Variants in GRIA4 observed in about 807,000 individuals in gnomAD.
GRIA4 encodes the protein glutamate ionotropic receptor AMPA type subunit 4, also known as glutamate receptor 4.
GRIA4 carries 34 observed loss-of-function variants against 104.0 expected under a neutral mutation model. The ratio of observed to expected loss-of-function variants is 0.33; its 90% CI spans 0.25 to 0.44. The LOEUF is 0.44. GRIA4 is among the 20% of genes least tolerant of loss of function. GRIA4 has a pLI of 1.00. For synonymous variants in GRIA4, 386 were observed against 381.9 expected, an observed-to-expected ratio of 1.01 and a Z score of -0.13; for missense variants, 750 against 1,096.5, an observed-to-expected ratio of 0.68 and a Z score of 4.46.
chr11:105,790,832 G>A (rs543703665), intron 4 of GRIA4, among the ~76,000 whole-genome samples: 2 of 152,216 alleles, frequency 1.3e-5, no homozygotes, highest in Non-Finnish European at 2.9e-5. Flanking sequence ...TTAAAATAAT[G>A]GATCATTATA....
chr11:105,612,002 CAG>C (rs1392986019), intron 2 of GRIA4, among the ~76,000 whole-genome samples: 1 of 152,178 alleles, frequency 6.6e-6, no homozygotes, highest in Admixed American at 6.5e-5. Flanking sequence ...TGCTGGGAAT[CAG>C]GGGGAGGGCA....
At chr11:105,655,668 C>A (rs1364271184) in intron 3 of GRIA4, among the ~76,000 whole-genome samples, 3 of 152,004 alleles carry the variant, frequency 2.0e-5, no homozygotes, top group Non-Finnish European at 4.4e-5. Context: ...GGAACTCATC[C>A]TTTTTATGGC....
intron 14 of GRIA4, among the ~76,000 whole-genome samples, chr11:105,964,605 A>G (rs754934372): frequency 6.6e-6 from 1 of 152,168 alleles, no homozygotes; most frequent in Non-Finnish European, 1.5e-5. Flanking sequence ...CAGTGTTTAT[A>G]AAATAGCATA....
intron 5 of GRIA4, among the ~76,000 whole-genome samples, chr11:105,867,116 C>T (rs1488039251): frequency 6.6e-6 from 1 of 152,046 alleles, no homozygotes; most frequent in East Asian, 1.9e-4. Flanking sequence ...TCTCGGATTA[C>T]TGACAAAACC....
At chr11:105,873,417 T>C (rs1313730838) in intron 5 of GRIA4, among the ~76,000 whole-genome samples, 1 of 152,218 alleles carries the variant, frequency 6.6e-6, no homozygotes, top group Non-Finnish European at 1.5e-5. Context: ...GAATGATTTA[T>C]AATCCTTTGG....
At chr11:105,756,654 G>A (rs2049234080) in intron 4 of GRIA4, among the ~76,000 whole-genome samples, 2 of 149,216 alleles carry the variant, frequency 1.3e-5, no homozygotes, top group South Asian at 2.1e-4. Flanking sequence ...CCTAACCAAC[G>A]CCCCCCACCC....
intron 6 of GRIA4, among the ~76,000 whole-genome samples, chr11:105,890,921 G>A (rs1206829065): frequency 2.6e-5 from 4 of 152,156 alleles, no homozygotes; most frequent in African/African-American, 7.2e-5. Context: ...TTGTATGTAG[G>A]TGCATGTATG....
chr11:105,777,613 A>G (rs574660209), intron 4 of GRIA4, among the ~76,000 whole-genome samples: 9 of 152,192 alleles, frequency 5.9e-5, no homozygotes, highest in South Asian at 2.1e-4. Context: ...TTCAAACAAT[A>G]TATCTTTTCT....
At chr11:105,953,630 TACACAC>T (rs10538700) in intron 14 of GRIA4, among the ~76,000 whole-genome samples, 1 of 151,494 alleles carries the variant, frequency 6.6e-6, no homozygotes, top group Non-Finnish European at 1.5e-5. Context: ...TGTATACACA[TACACAC>T]ACACACACAC....
intron 3 of GRIA4, among the ~76,000 whole-genome samples, chr11:105,620,921 A>G (rs1423632988): frequency 6.6e-6 from 1 of 151,586 alleles, no homozygotes; most frequent in East Asian, 1.9e-4. Context: ...GGGGGGTCAT[A>G]TTTTTGGATT....
intron 15 of GRIA4, among the ~76,000 whole-genome samples, chr11:105,972,809 G>A (rs1355080502): frequency 6.6e-6 from 1 of 152,124 alleles, no homozygotes. Context: ...ATAGAATATA[G>A]TAACAGCACC....
chr11:105,964,798 T>G (rs1591493209), intron 14 of GRIA4, among the ~76,000 whole-genome samples: 2 of 149,588 alleles, frequency 1.3e-5, no homozygotes, highest in South Asian at 2.1e-4. Context: ...TTTTTTGTTT[T>G]TTTTTTGTTT....
At chr11:105,711,079 T>C (rs2135548508) in intron 3 of GRIA4, among the ~76,000 whole-genome samples, 1 of 152,244 alleles carries the variant, frequency 6.6e-6, no homozygotes, top group South Asian at 2.1e-4. Flanking sequence ...ATCATAAAAG[T>C]ATACAATAAT....
intron 4 of GRIA4, among the ~76,000 whole-genome samples, chr11:105,838,979 A>G (rs1944290182): frequency 6.6e-6 from 1 of 152,048 alleles, no homozygotes; most frequent in Non-Finnish European, 1.5e-5. Context: ...GGATCTTGCC[A>G]CCCACTCTAT....
intron 3 of GRIA4, among the ~76,000 whole-genome samples, chr11:105,667,636 T>G (rs948117641): frequency 9.9e-5 from 15 of 152,134 alleles, no homozygotes; most frequent in African/African-American, 3.4e-4. Flanking sequence ...TTTACATTGA[T>G]CAGCAATTTG....
At chr11:105,757,625 C>T (rs1486790134) in intron 4 of GRIA4, among the ~76,000 whole-genome samples, 3 of 152,114 alleles carry the variant, frequency 2.0e-5, no homozygotes, top group Non-Finnish European at 2.9e-5. Context: ...TGCAGACCTC[C>T]GTGAATATCT....
intron 14 of GRIA4, among the ~76,000 whole-genome samples, chr11:105,956,499 G>C (rs887849007): frequency 6.6e-6 from 1 of 152,152 alleles, no homozygotes; most frequent in African/African-American, 2.4e-5. Flanking sequence ...TCTTAATCCA[G>C]TCTATCATTG....
chr11:105,735,449 T>G (rs910980411), intron 3 of GRIA4, among the ~76,000 whole-genome samples: 24 of 152,248 alleles, frequency 1.6e-4, no homozygotes, highest in African/African-American at 5.8e-4. Context: ...ACTCTCTGGG[T>G]GCAACAATTT....
chr11:105,661,020 A>G (rs1758127836), intron 3 of GRIA4, among the ~76,000 whole-genome samples: 1 of 151,632 alleles, frequency 6.6e-6, no homozygotes, highest in Non-Finnish European at 1.5e-5. Flanking sequence ...TTCAAATTTC[A>G]GAATTAGAAA....
Sources: gnomAD v4.1 joint callset for allele counts (sites outside exome capture counted in the v4.1 genomes callset) on GRCh38, gnomAD v4.1.1 for gene constraint, MANE v1.5 for transcripts, NCBI Gene and HGNC (gene_info 2026-07-23, HGNC 2026-07-21) for gene names.